The following M1AP variants were observed in gnomAD, a reference collection of about 807,000 sequenced individuals.
M1AP encodes the protein meiosis 1 associated protein, also known as meiosis 1 arrest protein.
In M1AP, 39 loss-of-function variants were observed where a neutral mutation model predicts 51.2. The observed-to-expected ratio is 0.76, with a 90% CI of 0.59 to 1.00. The LOEUF (loss-of-function observed/expected upper bound fraction) is 1.00, where lower values mean the gene tolerates loss of function less well. M1AP is among the 50% of genes least tolerant of loss of function. The pLI is 0.00. For synonymous variants in M1AP, 251 were observed against 249.2 expected (o/e 1.01, Z -0.07); for missense variants, 545 against 641.2 (o/e 0.85, Z 1.62).
chr2:74,633,871 C>T (rs902643139), intron 2 of M1AP, among the ~76,000 whole-genome samples: 1 of 152,194 alleles, frequency 6.6e-6, no homozygotes, highest in Non-Finnish European at 1.5e-5. Flanking sequence ...AAACTCTGCC[C>T]ACACCTATGT....
At chr2:74,578,186 C>T (rs1211500930) in intron 5 of M1AP, among the ~76,000 whole-genome samples, 1 of 152,180 alleles carries the variant, frequency 6.6e-6, no homozygotes, top group Non-Finnish European at 1.5e-5. Context: ...ATCTAGGAAA[C>T]TTGAAAAAGA....
intron 3 of M1AP, among the ~76,000 whole-genome samples, chr2:74,613,882 G>A (rs921595300): frequency 6.6e-6 from 1 of 152,154 alleles, no homozygotes; most frequent in Non-Finnish European, 1.5e-5. Context: ...TTGAACTCTT[G>A]GGCTCAAGCC....
intron 3 of M1AP, among the ~76,000 whole-genome samples, chr2:74,610,667 G>T (rs1681283756): frequency 6.6e-6 from 1 of 152,006 alleles, no homozygotes; most frequent in Non-Finnish European, 1.5e-5. Flanking sequence ...TGTTGTCCAG[G>T]CCAGTCTTGA....
intron 2 of M1AP, among the ~76,000 whole-genome samples, chr2:74,622,608 G>T (rs1682125732): frequency 7.0e-6 from 1 of 143,148 alleles, no homozygotes; most frequent in African/African-American, 2.7e-5. Context: ...TTATATGTGT[G>T]GCTCACATTA....
At chr2:74,622,763 G>T (rs1297786653) in intron 2 of M1AP, among the ~76,000 whole-genome samples, 4 of 151,758 alleles carry the variant, frequency 2.6e-5, no homozygotes, top group African/African-American at 9.7e-5. Flanking sequence ...ATAAATATTA[G>T]CTGTATAAAA....
chr2:74,602,857 C>T (rs1251911774), intron 4 of M1AP, among the ~76,000 whole-genome samples: 1 of 152,194 alleles, frequency 6.6e-6, no homozygotes, highest in Non-Finnish European at 1.5e-5. Context: ...AAGCTGCTTT[C>T]CTGCATTTAA....
intron 7 of M1AP, among the ~76,000 whole-genome samples, chr2:74,563,667 G>A (rs1678186203): frequency 6.6e-6 from 1 of 151,628 alleles, no homozygotes; most frequent in African/African-American, 2.4e-5. Context: ...TGGGTGCAGG[G>A]CCCTTGAGAT....
At chr2:74,611,235 T>C (rs1044817680) in intron 3 of M1AP, among the ~76,000 whole-genome samples, 8 of 152,176 alleles carry the variant, frequency 5.3e-5, no homozygotes, top group Non-Finnish European at 1.0e-4. Flanking sequence ...GTTTGTAGAG[T>C]AGTTAAGAAG....
chr2:74,578,486 T>G (rs538657745), intron 5 of M1AP, among the ~76,000 whole-genome samples: 83 of 152,022 alleles, frequency 5.5e-4, no homozygotes, highest in African/African-American at 2.0e-3. Flanking sequence ...GTTCCCCATG[T>G]GATTCTTACT....
intron 2 of M1AP, among the ~76,000 whole-genome samples, chr2:74,627,362 G>A (rs939726547): frequency 9.2e-5 from 14 of 152,008 alleles, no homozygotes; most frequent in Non-Finnish European, 1.0e-4. Context: ...TTTTGCTGTG[G>A]ATTATTTTGT....
chr2:74,612,342 C>T (rs920053051), intron 3 of M1AP, among the ~76,000 whole-genome samples: 3 of 152,036 alleles, frequency 2.0e-5, no homozygotes, highest in African/African-American at 7.3e-5. Flanking sequence ...CCTCGGCCTC[C>T]CAAAGTAGCT....
intron 2 of M1AP, among the ~76,000 whole-genome samples, chr2:74,618,023 C>T (rs1442808561): frequency 6.6e-6 from 1 of 152,104 alleles, no homozygotes; most frequent in African/African-American, 2.4e-5. Context: ...AACGTTTAAC[C>T]TTAGGAACCA....
At chr2:74,578,075 C>T (rs553880442) in intron 5 of M1AP, among the ~76,000 whole-genome samples, 6 of 152,280 alleles carry the variant, frequency 3.9e-5, no homozygotes, top group South Asian at 2.1e-4. Flanking sequence ...ATGACATAGC[C>T]GATCTGACAG....
At chr2:74,583,810 G>A (rs1041257151) in intron 4 of M1AP, among the ~76,000 whole-genome samples, 7 of 152,162 alleles carry the variant, frequency 4.6e-5, no homozygotes, top group Non-Finnish European at 1.0e-4. Context: ...TCCAACACAG[G>A]GGAACTGTGG....
chr2:74,640,339 G>C lies in M1AP; in HGVS notation c.-52-12C>G. ...GATATTCTTTACACCTATAGGGAAG[G>C]AAAGAGAAACCACTGGTTTTCAAAC... is the stretch of plus-strand genomic sequence containing the variant. On this transcript the variant is annotated splice_polypyrimidine_tract_variant and intron_variant, in intron 1 of 10. Transcript: ENST00000421985. 1.3e-6 allele frequency: 2 copies of C among 1,570,422 alleles called. No individual in the cohort carries two copies. Among genetic ancestry groups the C allele is most frequent in the South Asian group, 2.4e-5 (2 of 83,546 alleles).
intron 2 of M1AP, chr2:74,619,351 C>T: frequency 5.1e-6 from 1 of 196,152 alleles, no homozygotes; most frequent in Non-Finnish European, 1.1e-5. Context: ...AATATGCACT[C>T]ACATTACCAT....
rs775925196 is a variant in M1AP, at chr2:74,562,409, C to T, written c.1089G>A (p.Leu363=). ...CCGGTGGTTCCCCCTTGGCTAACAGCAGCCATTCCCTTTTCTGAAACAAGG... is the reference window on the plus strand; with the variant it reads ...CCGGTGGTTCCCCCTTGGCTAACAGTAGCCATTCCCTTTTCTGAAACAAGG... ...LCHSLLKREW[L]LLAKGEPPGP... Residue 363 remains leucine (L), a synonymous_variant, in exon 8 of 11, where the codon CTG becomes CTA. Coordinates refer to ENST00000421985, the MANE Select transcript of M1AP (RefSeq NM_001321739.2). 1.9e-5 allele frequency: 31 copies of T among 1,614,090 alleles called. No homozygotes were observed. In the Admixed American group the frequency reaches 5.2e-4, roughly 27 times the overall value.
chr2:74,561,232 A>AAGGAGGAGGAGGAGAAGG (rs1677977819), intron 8 of M1AP, among the ~76,000 whole-genome samples: 4 of 34,230 alleles, frequency 1.2e-4, no homozygotes, highest in Admixed American at 3.3e-4. Context: ...GGAGGAGGAG[A>AAGGAGGAGGAGGAGAAGG]AGGAGGAGGA....
At chr2:74,602,661 A>G (rs1243644253) in intron 4 of M1AP, among the ~76,000 whole-genome samples, 1 of 152,252 alleles carries the variant, frequency 6.6e-6, no homozygotes, top group Non-Finnish European at 1.5e-5. Context: ...ACCAAGATGA[A>G]GTAAAACACT....
Sources: allele counts gnomAD v4.1 joint callset (sites outside exome capture counted in the v4.1 genomes callset), GRCh38; gene constraint gnomAD v4.1.1; transcripts MANE v1.5; gene names NCBI Gene and HGNC (gene_info 2026-07-23, HGNC 2026-07-21).